Variants in KMT2E observed in about 807,000 individuals in gnomAD.
KMT2E encodes the protein lysine methyltransferase 2E (inactive).
Under a neutral mutation model 184.6 loss-of-function variants are expected in KMT2E, and 30 were observed. The ratio of observed to expected loss-of-function variants is 0.16; its 90% CI spans 0.12 to 0.22. The LOEUF is 0.22. Ranked by LOEUF, KMT2E falls within the 10% of genes least tolerant of loss-of-function variation. The pLI is 1.00. For missense variants in KMT2E, 2,023 were observed against 2,237.4 expected, an observed-to-expected ratio of 0.90 and a Z score of 1.93; for synonymous variants, 815 against 776.5, an observed-to-expected ratio of 1.05 and a Z score of -0.82.
chr7:105,046,550 T>G (rs1312214690), intron 3 of KMT2E, among the ~76,000 whole-genome samples: 1 of 152,214 alleles, frequency 6.6e-6, no homozygotes, highest in Non-Finnish European at 1.5e-5. Context: ...TTTAATGATT[T>G]ACTTAGAATA....
intron 6 of KMT2E, among the ~76,000 whole-genome samples, chr7:105,070,530 A>C (rs760023211): frequency 4.1e-5 from 6 of 147,332 alleles, no homozygotes; most frequent in Non-Finnish European, 7.4e-5. Context: ...GCTACTCAGG[A>C]GGCTGAGGCA....
chr7:105,077,809 A>G, intron 11 of KMT2E: 1 of 185,440 alleles, frequency 5.4e-6, no homozygotes, highest in Admixed American at 5.5e-5. Context: ...CTCATAACGT[A>G]ATAGCCGGAA....
chr7:105,043,332 G>A (rs1287240842), intron 3 of KMT2E, among the ~76,000 whole-genome samples: 4 of 149,576 alleles, frequency 2.7e-5, no homozygotes, highest in Admixed American at 6.6e-5. Flanking sequence ...CGCCTCCCGG[G>A]TTCATGCCAT....
At chr7:105,073,399 GAAAAA>G (rs35148101) in intron 6 of KMT2E, among the ~76,000 whole-genome samples, 2 of 112,438 alleles carry the variant, frequency 1.8e-5, no homozygotes, top group East Asian at 2.4e-4. Context: ...CCTGTCTGGG[GAAAAA>G]AAAAAAAAAA....
rs1011342189 is a variant in KMT2E, at chr7:105,109,090, G to C, written c.3617G>C (p.Gly1206Ala). ...GDGCASSNDN[G>A]EQVDHTASLP... ...GGCTGTGCCAGCAGTAATGACAATG[G>C]GGAGCAGGTGGACCACACTGCTAGC... Residue 1206 changes from glycine (G) to alanine (A), a missense_variant, in exon 23 of 27, where the codon GGG (glycine) becomes GCG (alanine). This residue lies in a region of KMT2E where 1,108 missense variants were observed against 1,050.9 expected (regional missense o/e 1.05). Transcript: ENST00000311117. The C allele has an allele frequency of 1.9e-6, 3 of 1,614,166 alleles. No homozygotes were observed. Among genetic ancestry groups the C allele is most frequent in the Admixed American group, 3.3e-5 (2 of 60,028 alleles).
Position 105,063,475 on chromosome 7 carries a change from C to T in KMT2E, c.311C>T (p.Thr104Ile). Residue 104 changes from threonine to isoleucine, a missense_variant, in exon 5 of 27, where the codon ACT becomes ATT. By Grantham distance (89) the Thr-to-Ile change is moderately conservative. Coordinates refer to ENST00000311117, the MANE Select transcript of KMT2E (RefSeq NM_182931.3). The part of the protein sequence containing the change: ...TPNFDETSSA[T>I]TISTSEDGSY... Reference sequence around the variant, plus strand: ...AATTTTGATGAAACTTCCAGTGCTACTACAATCAGCACATCTGAGGATGGA... The same window carrying T: ...AATTTTGATGAAACTTCCAGTGCTATTACAATCAGCACATCTGAGGATGGA... 6.2e-7 allele frequency: 1 copy of T among 1,613,500 alleles called. No homozygotes were observed.
chr7:105,062,907 T>A (rs1796878527), intron 4 of KMT2E, among the ~76,000 whole-genome samples: 2 of 151,876 alleles, frequency 1.3e-5, no homozygotes, highest in Non-Finnish European at 2.9e-5. Context: ...TTACTAAATT[T>A]AAAAAACTAT....
intron 6 of KMT2E, among the ~76,000 whole-genome samples, chr7:105,071,594 ATATATATATATATATTTTTTTTTT>A (rs1562906461): frequency 3.5e-4 from 21 of 59,302 alleles, no homozygotes; most frequent in African/African-American, 1.3e-3. Context: ...ATATATATAT[ATATATATATATATATTTTTTTTTT>A]TTTTTTTTTT....
intron 15 of KMT2E, among the ~76,000 whole-genome samples, chr7:105,093,006 G>T (rs914653912): frequency 6.6e-6 from 1 of 151,990 alleles, no homozygotes; most frequent in African/African-American, 2.4e-5. Flanking sequence ...CCCACCATGG[G>T]CAATATAGCG....
At position 105,109,094 on chromosome 7, in the gene KMT2E, G is replaced by A; in HGVS notation, c.3621G>A (p.Glu1207=). The A allele has an allele frequency of 6.2e-7, 1 of 1,614,206 alleles. No homozygotes were observed. The highest frequency in any genetic ancestry group is 1.3e-5 in the African/African-American group (1 of 75,052). Residue 1207 remains glutamate (E), a synonymous_variant, in exon 23 of 27, where the codon GAG becomes GAA. Transcript: ENST00000311117. ...DGCASSNDNG[E]QVDHTASLPL... ...GTGCCAGCAGTAATGACAATGGGGA[G>A]CAGGTGGACCACACTGCTAGCCTAC...
intron 1 of KMT2E, among the ~76,000 whole-genome samples, chr7:105,015,369 C>T (rs1043151813): frequency 4.6e-5 from 7 of 152,156 alleles, no homozygotes; most frequent in African/African-American, 1.4e-4. Context: ...GCCTTAGTTC[C>T]GTATAGATCC....
chr7:105,103,317 C>T (rs1368945161), intron 17 of KMT2E: 3 of 152,130 alleles, frequency 2.0e-5, no homozygotes, highest in East Asian at 1.9e-4. Context: ...CTTTTGCCTG[C>T]AGATTTTGTT....
chr7:105,016,339 C>T (rs944760978), intron 1 of KMT2E, among the ~76,000 whole-genome samples: 2 of 152,110 alleles, frequency 1.3e-5, no homozygotes, highest in African/African-American at 4.8e-5. Flanking sequence ...CTTCATGCTG[C>T]CTTTAACAAT....
At chr7:105,055,578 C>G (rs1250671682) in intron 3 of KMT2E, among the ~76,000 whole-genome samples, 1 of 152,182 alleles carries the variant, frequency 6.6e-6, no homozygotes, top group East Asian at 1.9e-4. Flanking sequence ...AATCTTTAAA[C>G]ATTCTGGTTC....
intron 1 of KMT2E, among the ~76,000 whole-genome samples, chr7:105,015,239 T>C (rs1286031812): frequency 1.3e-5 from 2 of 152,212 alleles, no homozygotes; most frequent in Non-Finnish European, 2.9e-5. Context: ...GAAAAGCTTA[T>C]TTTGACCAAG....
At chr7:105,086,180 A>G (rs28489493) in intron 13 of KMT2E, among the ~76,000 whole-genome samples, 28,533 of 151,966 alleles carry the variant, frequency 0.19, 3,416 homozygotes, top group East Asian at 0.58. Flanking sequence ...CCATTTCACT[A>G]TTGACCTTTA....
At chr7:105,090,385 C>T (rs1263040360) in intron 14 of KMT2E, 112 bp downstream of exon 14, 1 of 1,221,434 alleles carries the variant, frequency 8.2e-7, no homozygotes, top group East Asian at 2.6e-5. Flanking sequence ...TAAGTCCATT[C>T]TGTCATTTAA....
At chr7:105,041,050 C>CA (rs58676744) in intron 3 of KMT2E, 27 bp downstream of exon 3, 234,247 of 666,446 alleles carry the variant, frequency 0.35, 21,334 homozygotes, top group African/African-American at 0.66. Flanking sequence ...GTTACATAAG[C>CA]AAAAAAAAAA....
At chr7:105,065,689 C>G (rs1179496953) in intron 5 of KMT2E, among the ~76,000 whole-genome samples, 1 of 152,286 alleles carries the variant, frequency 6.6e-6, no homozygotes, top group East Asian at 1.9e-4. Flanking sequence ...CTCTCTCTTT[C>G]CTTCTGCCCC....
Sources: allele counts gnomAD v4.1 joint callset (sites outside exome capture counted in the v4.1 genomes callset), GRCh38; gene constraint gnomAD v4.1.1; regional missense constraint gnomAD v4.1.1; transcripts MANE v1.5; gene names NCBI Gene and HGNC (gene_info 2026-07-23, HGNC 2026-07-21).